The following MRM1 variants were observed in gnomAD, a reference collection of about 807,000 sequenced individuals.
MRM1 encodes mitochondrial rRNA methyltransferase 1, also known as rRNA methyltransferase 1, mitochondrial.
MRM1 carries 24 observed loss-of-function variants against 25.0 expected under a neutral mutation model. That is an observed-to-expected ratio of 0.96 (90% CI 0.69 to 1.35). The LOEUF is 1.35. Among genes scored for constraint, MRM1 ranks in the 40% most tolerant of loss-of-function variants. The pLI is 0.00. For synonymous variants in MRM1, 188 were observed against 199.2 expected, an observed-to-expected ratio of 0.94 and a Z score of 0.47; for missense variants, 431 against 464.1, an observed-to-expected ratio of 0.93 and a Z score of 0.65.
downstream of MRM1, among the ~76,000 whole-genome samples, chr17:36,613,598 G>T (rs1256685232): frequency 2.0e-5 from 3 of 152,098 alleles, no homozygotes; most frequent in African/African-American, 7.2e-5. Context: ...GAGCTTCCTG[G>T]CCCCTTCTCA....
downstream of MRM1, among the ~76,000 whole-genome samples, chr17:36,613,481 C>T (rs1276639903): frequency 6.6e-6 from 1 of 152,192 alleles, no homozygotes; most frequent in Non-Finnish European, 1.5e-5. Context: ...AGGGGTCTTC[C>T]CTGCAACCTC....
the MRM1 span, among the ~76,000 whole-genome samples, chr17:36,633,357 G>A: frequency 6.6e-6 from 1 of 152,318 alleles, no homozygotes; most frequent in South Asian, 2.1e-4. Flanking sequence ...CTTGGCGTCT[G>A]GGGCCCTGTT....
intron 2 of MRM1, among the ~76,000 whole-genome samples, chr17:36,606,928 A>ATTTTTTTTTTGT (rs2074935045): frequency 1.0e-5 from 1 of 96,082 alleles, no homozygotes. Flanking sequence ...TTTTTTTTTA[A>ATTTTTTTTTTGT]TTTGAGATGG....
chr17:36,618,284 GTATT>G, the MRM1 span, among the ~76,000 whole-genome samples: 4 of 152,164 alleles, frequency 2.6e-5, no homozygotes, highest in Non-Finnish European at 5.9e-5. Context: ...CATTCATCAA[GTATT>G]TATTGAGCAC....
In MRM1 at chr17:36,602,331, T is replaced by TG. The variant is rs1000205771; in HGVS notation, c.521_522insG (p.Ile175HisfsTer31). On this transcript the variant is annotated frameshift_variant, in exon 1 of 5. Coordinates refer to ENST00000614766, the MANE Select transcript of MRM1 (RefSeq NM_024864.5). LOFTEE classifies it high-confidence loss of function. The surrounding 1 kb of genome is among the most constrained non-coding windows in gnomAD (Gnocchi z 4.1). Reference sequence around the variant, plus strand: ...GCACACTTCCTCGGAGTGGATAAGGTCATCACCAGCCGGAGAAACAGGCAC... The same window carrying TG: ...GCACACTTCCTCGGAGTGGATAAGGTGCATCACCAGCCGGAGAAACAGGCAC... 5.7e-6 allele frequency: 9 copies of TG among 1,567,086 alleles called. No individual in the cohort carries two copies. In the African/African-American group the frequency reaches 9.5e-5, roughly 17 times the overall value.
In MRM1 at chr17:36,602,724, G is replaced by C; in HGVS notation, c.636+78G>C. On this transcript the variant is annotated intron_variant, in intron 2 of 4. Transcript: ENST00000614766. This position sits in a 1 kb window ranked among gnomAD's most constrained non-coding sequence, Gnocchi z 4.1. ...CAAGGGGACGAAGCTAGCCCCTGGC[G>C]AGGGAGAGAAAGGGGCATGTTGGCA... The C allele has an allele frequency of 6.5e-7, 1 of 1,534,336 alleles. No homozygotes were observed. Among genetic ancestry groups the C allele is most frequent in the Non-Finnish European group, 9.0e-7 (1 of 1,110,358 alleles).
chr17:36,603,252 G>A lies in MRM1; in HGVS notation c.636+606G>A, dbSNP rs2074898009. The A allele has an allele frequency of 4.1e-6, 4 of 981,610 alleles. No homozygotes were observed. The South Asian group carries it at 1.4e-4, about 35-fold the overall frequency. 60.8% of individuals were successfully genotyped at this position (981,610 alleles called of 1,614,324 possible). ...AGCTCTGGGACCTGTCTAGAACAAC[G>A]CTGTCCAATAAAAATATGGTGTGAG... is the stretch of plus-strand genomic sequence containing the variant. On this transcript the variant is annotated intron_variant, in intron 2 of 4. Transcript: ENST00000614766.
At chr17:36,623,329 A>C in the MRM1 span, among the ~76,000 whole-genome samples, 2 of 152,242 alleles carry the variant, frequency 1.3e-5, no homozygotes, top group Admixed American at 6.5e-5. Flanking sequence ...CTAAAGAATT[A>C]GGGGAGCGTG....
Position 36,608,535 on chromosome 17 carries a change from A to C in MRM1, c.*120A>C. 2.2e-5 allele frequency: 7 copies of C among 317,614 alleles called. No individual in the cohort carries two copies. The highest frequency in any genetic ancestry group is 3.9e-5 in the Non-Finnish European group (7 of 181,178). 19.7% of individuals were successfully genotyped at this position (317,614 alleles called of 1,614,324 possible). ...CACCAGGCCCATGTTTATTGACCAC[A>C]GTCTGGGGGGGGGGGAAGGGGACTG... On this transcript the variant is annotated 3_prime_UTR_variant, in exon 5 of 5. Transcript: ENST00000614766.
At chr17:36,625,414 TCTCCTC>T in the MRM1 span, among the ~76,000 whole-genome samples, 77 of 143,284 alleles carry the variant, frequency 5.4e-4, no homozygotes, top group African/African-American at 1.9e-3. Flanking sequence ...CTCTTCCTCT[TCTCCTC>T]CTCCTCCTCC....
At chr17:36,614,388 G>A in the MRM1 span, among the ~76,000 whole-genome samples, 3 of 152,262 alleles carry the variant, frequency 2.0e-5, no homozygotes, top group Non-Finnish European at 4.4e-5. Context: ...GGGCCTGTGC[G>A]CCAGGTGACA....
At chr17:36,604,764 C>CCACTG (rs1417635795) in intron 2 of MRM1, among the ~76,000 whole-genome samples, 1 of 150,092 alleles carries the variant, frequency 6.7e-6, no homozygotes, top group Non-Finnish European at 1.5e-5. Flanking sequence ...CGAGATTGTG[C>CCACTG]CACTGCACTC....
chr17:36,613,885 C>A (rs1409597376), downstream of MRM1, among the ~76,000 whole-genome samples: 1 of 151,966 alleles, frequency 6.6e-6, no homozygotes, highest in African/African-American at 2.4e-5. Context: ...ACATGTGGGC[C>A]CTACCTTAGG....
At chr17:36,617,294 G>C in the MRM1 span, among the ~76,000 whole-genome samples, 1 of 152,006 alleles carries the variant, frequency 6.6e-6, no homozygotes, top group African/African-American at 2.4e-5. Context: ...CTGTAAGATA[G>C]AGCCAATAAC....
At chr17:36,622,571 CAA>C in the MRM1 span, among the ~76,000 whole-genome samples, 27 of 104,230 alleles carry the variant, frequency 2.6e-4, no homozygotes, top group African/African-American at 3.3e-4. Context: ...GACTCCGTCT[CAA>C]AAAAAAAAAA....
At chr17:36,619,886 A>G in the MRM1 span, among the ~76,000 whole-genome samples, 1 of 152,120 alleles carries the variant, frequency 6.6e-6, no homozygotes, top group Non-Finnish European at 1.5e-5. Flanking sequence ...GATGGTGGCC[A>G]TCATAATGGA....
At position 36,608,231 on chromosome 17, in the gene MRM1, G is replaced by T. The variant is rs1422107190; in HGVS notation, c.890-12G>T. The T allele has an allele frequency of 2.6e-6, 4 of 1,551,812 alleles. No homozygotes were observed. The highest frequency in any genetic ancestry group is 2.7e-5 in the African/African-American group (2 of 72,854). On this transcript the variant is annotated splice_polypyrimidine_tract_variant and intron_variant, in intron 4 of 4. Transcript: ENST00000614766. Reference sequence around the variant, plus strand: ...CTCCGTCCTCTCTTCCCTTGTCCTTGTGTCTGTGCAGGAATTCTTCTTCAC... The same window carrying T: ...CTCCGTCCTCTCTTCCCTTGTCCTTTTGTCTGTGCAGGAATTCTTCTTCAC...
chr17:36,632,864 C>T, the MRM1 span, among the ~76,000 whole-genome samples: 2 of 152,094 alleles, frequency 1.3e-5, no homozygotes, highest in African/African-American at 4.8e-5. Flanking sequence ...GAAGGGGATG[C>T]GGTGGGAGGA....
At chr17:36,633,825 C>T in the MRM1 span, among the ~76,000 whole-genome samples, 15 of 152,290 alleles carry the variant, frequency 9.8e-5, no homozygotes, top group East Asian at 7.7e-4. Context: ...TGGCTGATTC[C>T]GCTGTGCCTC....
Sources: gnomAD v4.1 joint callset for allele counts (sites outside exome capture counted in the v4.1 genomes callset) on GRCh38, gnomAD v4.1.1 for gene constraint, Gnocchi (gnomAD v3.1) non-coding constraint, MANE v1.5 for transcripts, NCBI Gene and HGNC (gene_info 2026-07-23, HGNC 2026-07-21) for gene names.